SRPRB: variants seen among roughly 807,000 people sequenced by gnomAD.
SRPRB encodes the protein SRP receptor subunit beta.
In SRPRB, 20 loss-of-function variants were observed where a neutral mutation model predicts 31.9. The ratio of observed to expected loss-of-function variants is 0.63; its 90% CI spans 0.44 to 0.91. The LOEUF is 0.91. Ranked by LOEUF, SRPRB falls within the 40% of genes least tolerant of loss-of-function variation. The pLI, the probability that SRPRB is intolerant of heterozygous loss-of-function variation, is 0.00. For synonymous variants in SRPRB, 146 were observed against 132.8 expected, an observed-to-expected ratio of 1.10 and a Z score of -0.68; for missense variants, 321 against 324.9, an observed-to-expected ratio of 0.99 and a Z score of 0.09.
chr3:133,817,569 T>C (rs1935388352), intron 6 of SRPRB, among the ~76,000 whole-genome samples: 1 of 152,216 alleles, frequency 6.6e-6, no homozygotes, highest in South Asian at 2.1e-4. Context: ...TAGCATGTCT[T>C]CTGCGTTATG....
intron 4 of SRPRB, among the ~76,000 whole-genome samples, chr3:133,812,168 C>T (rs956362954): frequency 6.6e-6 from 1 of 152,158 alleles, no homozygotes; most frequent in African/African-American, 2.4e-5. Flanking sequence ...AGTATTTTCT[C>T]TTAGCGGTCC....
Position 133,805,845 on chromosome 3 carries a change from A to G in SRPRB, c.-4A>G. The G allele has an allele frequency of 6.2e-7, 1 of 1,607,638 alleles. No homozygotes were observed. The highest frequency in any genetic ancestry group is 8.5e-7 in the Non-Finnish European group (1 of 1,176,822). Reference sequence around the variant, plus strand: ...TGCTGTACCGGGGACCACGCGTCTCATCCATGGCTTCCGCGGACTCGCGCC... The same window carrying G: ...TGCTGTACCGGGGACCACGCGTCTCGTCCATGGCTTCCGCGGACTCGCGCC... On this transcript the variant is annotated 5_prime_UTR_variant, in exon 1 of 7. Transcript: ENST00000678299.
At chr3:133,827,755 C>CCCCCCCCCCCCCCCCCCCCCCCCA, downstream of SRPRB, 2 of 103,374 alleles carry the variant, frequency 1.9e-5, 1 homozygote. Context: ...CACCCCCCCC[C>CCCCCCCCCCCCCCCCCCCCCCCCA]CCCCCCGCCT....
chr3:133,823,297 C>T (rs926031053), downstream of SRPRB, among the ~76,000 whole-genome samples: 5 of 145,464 alleles, frequency 3.4e-5, no homozygotes, highest in Non-Finnish European at 7.5e-5. Context: ...CTCACTCTGT[C>T]GCCCAGGCTG....
At chr3:133,814,382 C>T (rs1176853720) in intron 4 of SRPRB, among the ~76,000 whole-genome samples, 6 of 152,220 alleles carry the variant, frequency 3.9e-5, no homozygotes, top group South Asian at 2.1e-4. Context: ...CCGCCCGCCT[C>T]GGCTTCCCAA....
downstream of SRPRB, chr3:133,827,686 A>G (rs1935587688): frequency 1.7e-6 from 1 of 580,256 alleles, no homozygotes; most frequent in South Asian, 2.1e-5. Context: ...GCACTCAACA[A>G]TATTAGCAGC....
chr3:133,792,316 G>A (rs1349934350), intron 1 of SRPRB: 1 of 152,220 alleles, frequency 6.6e-6, no homozygotes, highest in African/African-American at 2.4e-5. Context: ...GTCAAAGCAT[G>A]TCGTAGATGG....
intron 1 of SRPRB, chr3:133,793,011 A>G (rs2107955733): frequency 6.6e-6 from 1 of 152,336 alleles, no homozygotes; most frequent in South Asian, 2.1e-4. Context: ...AAGATTGGAA[A>G]GATATGTCTA....
chr3:133,793,050 A>AT (rs917959137), intron 1 of SRPRB: 16 of 152,212 alleles, frequency 1.1e-4, no homozygotes, highest in Non-Finnish European at 2.9e-5. Flanking sequence ...TGGGGTTGAC[A>AT]TTAATAGCAC....
downstream of SRPRB, chr3:133,826,060 C>T (rs572282940): frequency 6.6e-6 from 1 of 152,364 alleles, no homozygotes; most frequent in East Asian, 1.9e-4. Context: ...AATCAGGGAA[C>T]CAACAACTTC....
chr3:133,825,181 C>T (rs2107980865), downstream of SRPRB: 1 of 152,374 alleles, frequency 6.6e-6, no homozygotes, highest in South Asian at 2.1e-4. Flanking sequence ...CTCATCCTGA[C>T]ATCCTCACCT....
At chr3:133,811,027 C>A in intron 3 of SRPRB, 90 bp from the exon 4 acceptor site, 2 of 1,196,478 alleles carry the variant, frequency 1.7e-6, no homozygotes, top group Non-Finnish European at 2.4e-6. Flanking sequence ...TAATTAGGTA[C>A]CAGTTTGGTA....
chr3:133,820,146 G>A lies in SRPRB; in HGVS notation c.*380G>A. ...GCTTTTGGTCCCTGGAAACAAATCC[G>A]CCTATGTATGAAGCTAGTTGATTTC... On this transcript the variant is annotated 3_prime_UTR_variant, in exon 7 of 7. Transcript: ENST00000678299. 1 of 199,310 alleles carries A rather than the reference G, an allele frequency of 5.0e-6. No individual in the cohort carries two copies. Among genetic ancestry groups the A allele is most frequent in the South Asian group, 9.6e-5 (1 of 10,442 alleles). The allele number at this position is 199,310 out of a possible 1,614,324, so 12.3% of individuals were successfully genotyped here. A position where few individuals can be genotyped will look rare whatever the true frequency, so the allele number is the denominator to read the frequency against.
intron 6 of SRPRB, 99 bp from the exon 7 acceptor site, chr3:133,819,454 A>T (rs1187241114): frequency 9.2e-7 from 1 of 1,092,116 alleles, no homozygotes; most frequent in East Asian, 2.6e-5. Context: ...GCAATTCTAT[A>T]GTTAAGTTTT....
rs760626401 is a variant in SRPRB, at chr3:133,819,654, C to T, written c.704C>T (p.Ser235Leu). Residue 235 changes from serine to leucine, a missense_variant, in exon 7 of 7, where the codon TCA becomes TTA. Physicochemically the swap from Ser to Leu is moderately radical, Grantham distance 145 (BLOSUM62 -2). Coordinates refer to ENST00000678299, the MANE Select transcript of SRPRB (RefSeq NM_001379313.1). ...AAGAAAGGCAAAGAGTTTGAATTCTCACAGTTGCCCCTCAAAGTGGAGTTC... is the reference window on the plus strand; with the variant it reads ...AAGAAAGGCAAAGAGTTTGAATTCTTACAGTTGCCCCTCAAAGTGGAGTTC... ...LGKKGKEFEF[S>L]QLPLKVEFLE... 3 of 1,614,208 alleles carry T rather than the reference C, an allele frequency of 1.9e-6. No individual in the cohort carries two copies. In the African/African-American group the frequency reaches 4.0e-5, roughly 22 times the overall value.
chr3:133,817,159 C>T (rs985499935), intron 6 of SRPRB, among the ~76,000 whole-genome samples: 1 of 151,964 alleles, frequency 6.6e-6, no homozygotes, highest in Non-Finnish European at 1.5e-5. Context: ...TTTTTTGAAA[C>T]CATAAACTTA....
At chr3:133,819,372 A>G (rs1483590501) in intron 6 of SRPRB, among the ~76,000 whole-genome samples, 181 bp from the exon 7 acceptor site, 1 of 112,444 alleles carries the variant, frequency 8.9e-6, no homozygotes, top group South Asian at 3.3e-4. Context: ...CGCCCCACCT[A>G]CCTCACCTCT....
upstream of SRPRB, among the ~76,000 whole-genome samples, chr3:133,800,995 G>A (rs1935053105): frequency 6.6e-6 from 1 of 152,214 alleles, no homozygotes; most frequent in African/African-American, 2.4e-5. Flanking sequence ...GAAAAATAGA[G>A]GTGATTTGTG....
intron 4 of SRPRB, among the ~76,000 whole-genome samples, chr3:133,812,970 G>A (rs902644947): frequency 4.6e-5 from 7 of 152,258 alleles, no homozygotes; most frequent in Admixed American, 2.6e-4. Flanking sequence ...TTCCAGAGAG[G>A]GTGATGAGTA....
Sources: allele counts gnomAD v4.1 joint callset (sites outside exome capture counted in the v4.1 genomes callset), GRCh38; gene constraint gnomAD v4.1.1; transcripts MANE v1.5; gene names NCBI Gene and HGNC (gene_info 2026-07-23, HGNC 2026-07-21).